The following TRMU variants were observed in gnomAD, a reference collection of about 807,000 sequenced individuals.
TRMU encodes mitochondrial tRNA-specific 2-thiouridylase 1.
A neutral mutation model predicts 46.9 loss-of-function variants in TRMU; 49 were observed. That is an observed-to-expected ratio of 1.05 (90% CI 0.83 to 1.33). The LOEUF (loss-of-function observed/expected upper bound fraction) is 1.33. Among genes scored for constraint, TRMU ranks in the 40% most tolerant of loss-of-function variants. TRMU has a pLI of 0.00. For synonymous variants in TRMU, 241 were observed against 200.9 expected, an observed-to-expected ratio of 1.20 and a Z score of -1.69; for missense variants, 572 against 532.4, an observed-to-expected ratio of 1.07 and a Z score of -0.73.
chr22:46,353,306 G>A (rs966990176), intron 7 of TRMU: 4 of 216,454 alleles, frequency 1.8e-5, no homozygotes, highest in African/African-American at 4.6e-5. Context: ...GCAGGGGAGG[G>A]AGGCAGTGAG....
Position 46,357,280 on chromosome 22 carries a change from C to A in TRMU, c.*274C>A. 1.8e-6 allele frequency: 1 copy of A among 559,314 alleles called. No individual in the cohort carries two copies. Among genetic ancestry groups the A allele is most frequent in the Non-Finnish European group, 3.2e-6 (1 of 312,076 alleles). 34.6% of individuals were successfully genotyped at this position (559,314 alleles called of 1,614,324 possible). A position where few individuals can be genotyped will look rare whatever the true frequency, so the allele number is the denominator to read the frequency against. The stretch of plus-strand genomic sequence containing the variant: ...GGAGGGTTTCCCACCTCAGAGTACA[C>A]CGAGGGGACCTGCAGAGGGGGCTGT... On this transcript the variant is annotated 3_prime_UTR_variant, in exon 11 of 11. Coordinates refer to ENST00000645190, the MANE Select transcript of TRMU (RefSeq NM_018006.5).
At chr22:46,354,203 TG>T (rs1478602105) in intron 8 of TRMU, 13 of 345,612 alleles carry the variant, frequency 3.8e-5, no homozygotes, top group African/African-American at 2.8e-4. Context: ...GTGCCAAGGA[TG>T]GTGCCCACCA....
rs553844561 is a variant in TRMU, at chr22:46,335,948, G to C, written c.82+102G>C. The stretch of plus-strand genomic sequence containing the variant: ...TGCACGTCTCCTCCCTCCCTGGGCC[G>C]CTGGTTGCGCGCGGGTCGGCAGGAG... On this transcript the variant is annotated intron_variant, in intron 1 of 10. Transcript: ENST00000645190. 1.4e-5 allele frequency: 21 copies of C among 1,488,830 alleles called. No homozygotes were observed. In the East Asian group the frequency reaches 5.1e-4, roughly 36 times the overall value. The allele number at this position is 1,488,830 out of a possible 1,614,324, so 92.2% of individuals were successfully genotyped here.
At chr22:46,356,302 C>G (rs1255134432) in intron 10 of TRMU, 1 of 568,012 alleles carries the variant, frequency 1.8e-6, no homozygotes, top group African/African-American at 1.9e-5. Flanking sequence ...TGCTCGGGCC[C>G]TGAGAGGCTC....
At chr22:46,345,185 C>G (rs908791991) in intron 3 of TRMU, among the ~76,000 whole-genome samples, 2 of 152,158 alleles carry the variant, frequency 1.3e-5, no homozygotes, top group African/African-American at 4.8e-5. Context: ...ATTCTCCTGC[C>G]TCAGCCTCCC....
rs1237766418 is a variant in TRMU, at chr22:46,357,064, T to C, written c.*58T>C. 1 of 1,606,740 alleles carries C rather than the reference T, an allele frequency of 6.2e-7. No individual in the cohort carries two copies. The highest frequency in any genetic ancestry group is 8.5e-7 in the Non-Finnish European group (1 of 1,176,510). On this transcript the variant is annotated 3_prime_UTR_variant, in exon 11 of 11. Coordinates refer to ENST00000645190, the MANE Select transcript of TRMU (RefSeq NM_018006.5). ...GCAGGACCCATGGCTGGGCGGCTGG[T>C]GAGCAGTCCAGGTGCCCAAGGGCCA...
At chr22:46,346,762 G>C (rs1045741960) in intron 4 of TRMU, among the ~76,000 whole-genome samples, 1 of 152,242 alleles carries the variant, frequency 6.6e-6, no homozygotes, top group Non-Finnish European at 1.5e-5. Context: ...GCCGGCCATG[G>C]TGAGGGCTGG....
rs1413300072 is a variant in TRMU at position 46,350,641 on chromosome 22, T to A, written c.651+178T>A. 2.0e-5 allele frequency among the ~76,000 whole-genome samples: 3 copies of A among 152,240 alleles called. No individual in the cohort carries two copies. Among genetic ancestry groups the A allele is most frequent in the Non-Finnish European group, 4.4e-5 (3 of 68,042 alleles). ...TGAGGCGCACGGTACAGGGCTCTGC[T>A]GACATCGGGAGCAGCCTATACGAGA... is the stretch of plus-strand genomic sequence containing the variant. On this transcript the variant is annotated intron_variant, in intron 5 of 10. Transcript: ENST00000645190. This position sits in a 1 kb window ranked among gnomAD's most constrained non-coding sequence, Gnocchi z 4.6.
In TRMU at chr22:46,339,959, G is replaced by A. The variant is rs1341671015; in HGVS notation, c.248+2015G>A. ...ATAAGAAAAAAAAAAGAGTGTGGCGGCCAAATACAGGATAAATCTGGGGGA... is the reference window on the plus strand; with the variant it reads ...ATAAGAAAAAAAAAAGAGTGTGGCGACCAAATACAGGATAAATCTGGGGGA... On this transcript the variant is annotated intron_variant, in intron 2 of 10. Transcript: ENST00000645190. The surrounding 1 kb of genome is among the most constrained non-coding windows in gnomAD (Gnocchi z 4.8). Among the ~76,000 whole-genome samples the A allele has an allele frequency of 6.6e-6, 1 of 152,028 alleles. No homozygotes were observed. Among genetic ancestry groups the A allele is most frequent in the Non-Finnish European group, 1.5e-5 (1 of 67,996 alleles).
rs569963352 is a variant in TRMU at position 46,344,336 on chromosome 22, C to T, written c.355+968C>T. Among the ~76,000 whole-genome samples, 22 of 152,272 alleles carry T rather than the reference C, an allele frequency of 1.4e-4. 2 individuals carry two copies. Among genetic ancestry groups the T allele is most frequent in the Admixed American group, 3.9e-4 (6 of 15,292 alleles). On this transcript the variant is annotated intron_variant, in intron 3 of 10. Transcript: ENST00000645190. ...AAGGGGTGATGCGTCCCCTGTGGTC[C>T]GTCCTGGTTAGACCGTATTAGTTAT... is the stretch of plus-strand genomic sequence containing the variant.
chr22:46,351,611 A>C lies in TRMU; in HGVS notation c.652-510A>C. On this transcript the variant is annotated intron_variant, in intron 5 of 10. Transcript: ENST00000645190. The surrounding 1 kb of genome is among the most constrained non-coding windows in gnomAD (Gnocchi z 6.4). ...AGGGATGGAAGGGCAGTCTTGAGAG[A>C]CACAAACCAGAGTAAACGATGCAGC... 4.4e-6 allele frequency: 1 copy of C among 226,644 alleles called. No individual in the cohort carries two copies. The highest frequency in any genetic ancestry group is 2.3e-5 in the African/African-American group (1 of 44,364). The allele number at this position is 226,644 out of a possible 1,614,324, so 14.0% of individuals were successfully genotyped here.
Position 46,356,586 on chromosome 22 carries a change from A to AGTCCCAGGAGAGGCCCCTGTGACT in TRMU, c.1102-249_1102-226dup, listed in dbSNP as rs1354621830. The AGTCCCAGGAGAGGCCCCTGTGACT allele has an allele frequency of 5.5e-6, 3 of 550,294 alleles. No individual in the cohort carries two copies. In the Admixed American group the frequency reaches 9.3e-5, roughly 17 times the overall value. 34.1% of individuals were successfully genotyped at this position (550,294 alleles called of 1,614,324 possible). ...GTGCAGAGACCTGCCAGTCCCTTGG[A>AGTCCCAGGAGAGGCCCCTGTGACT]GTCCCAGGAGAGGCCCCTGTGACTG... On this transcript the variant is annotated intron_variant, in intron 10 of 10. Coordinates refer to ENST00000645190, the MANE Select transcript of TRMU (RefSeq NM_018006.5).
In TRMU at chr22:46,351,949, G is replaced by T; in HGVS notation, c.652-172G>T. 1 of 774,714 alleles carries T rather than the reference G, an allele frequency of 1.3e-6. No homozygotes were observed. Among genetic ancestry groups the T allele is most frequent in the Non-Finnish European group, 2.3e-6 (1 of 432,350 alleles). 48.0% of individuals were successfully genotyped at this position (774,714 alleles called of 1,614,324 possible). ...GCGTTCTCTAAGGCTCTGGCATCGT[G>T]TGCGCCGGCTGTGACTGGCGGCCGA... On this transcript the variant is annotated intron_variant, in intron 5 of 10. Transcript: ENST00000645190. This position sits in a 1 kb window ranked among gnomAD's most constrained non-coding sequence, Gnocchi z 6.4.
Position 46,355,993 on chromosome 22 carries a change from C to G in TRMU, c.1022C>G (p.Pro341Arg), listed in dbSNP as rs752533233. Residue 341 changes from proline (P) to arginine (R), a missense_variant, in exon 10 of 11, where the codon CCC (proline) becomes CGC (arginine). Physicochemically the swap from Pro to Arg is moderately radical, Grantham distance 103 (BLOSUM62 -2). Coordinates refer to ENST00000645190, the MANE Select transcript of TRMU (RefSeq NM_018006.5). ...FRFRHQMALV[P>R]CVLTLNQDGT... ...AGGGCCCCTCTCTTCTACCCAGTGC[C>G]CTGTGTGCTGACCCTCAATCAAGAT... is the stretch of plus-strand genomic sequence containing the variant. 3.7e-6 allele frequency: 6 copies of G among 1,613,954 alleles called. No individual in the cohort carries two copies. Among genetic ancestry groups the G allele is most frequent in the Middle Eastern group, 3.3e-4 (2 of 6,062 alleles).
chr22:46,349,987 T>G lies in TRMU; in HGVS notation c.479-304T>G, dbSNP rs1162359235. ...GCTGAATTTATTTTAGGTGTTTTTT[T>G]TTTTTTTTCTTATCACTTGAGAACA... On this transcript the variant is annotated intron_variant, in intron 4 of 10. Transcript: ENST00000645190. This position sits in a 1 kb window ranked among gnomAD's most constrained non-coding sequence, Gnocchi z 4.6. Among the ~76,000 whole-genome samples, 1 of 152,160 alleles carries G rather than the reference T, an allele frequency of 6.6e-6. No homozygotes were observed. Among genetic ancestry groups the G allele is most frequent in the African/African-American group, 2.4e-5 (1 of 41,462 alleles).
chr22:46,338,404 G>C lies in TRMU; in HGVS notation c.248+460G>C, dbSNP rs918495196. On this transcript the variant is annotated intron_variant, in intron 2 of 10. Transcript: ENST00000645190. This position sits in a 1 kb window ranked among gnomAD's most constrained non-coding sequence, Gnocchi z 4.5. ...TCCAATATAATCTCAATAATTAAGT[G>C]CTGTGTGCTAGGCGTGTGCCACATC... is the stretch of plus-strand genomic sequence containing the variant. 3.9e-5 allele frequency among the ~76,000 whole-genome samples: 6 copies of C among 152,254 alleles called. No homozygotes were observed. Among genetic ancestry groups the C allele is most frequent in the African/African-American group, 1.4e-4 (6 of 41,464 alleles).
intron 8 of TRMU, chr22:46,354,657 A>G (rs2078541866): frequency 6.6e-6 from 1 of 152,654 alleles, no homozygotes; most frequent in Admixed American, 6.5e-5. Context: ...CCTTACTAGG[A>G]AGACCTGTGG....
At position 46,339,948 on chromosome 22, in the gene TRMU, A is replaced by AG. The variant is rs113303726; in HGVS notation, c.248+2005dup. ...TTCTCGGGGACATAAGAAAAAAAAAAGAGTGTGGCGGCCAAATACAGGATA... is the reference window on the plus strand; with the variant it reads ...TTCTCGGGGACATAAGAAAAAAAAAAGGAGTGTGGCGGCCAAATACAGGATA... On this transcript the variant is annotated intron_variant, in intron 2 of 10. Transcript: ENST00000645190. This position sits in a 1 kb window ranked among gnomAD's most constrained non-coding sequence, Gnocchi z 4.8. Among the ~76,000 whole-genome samples, 2 of 151,534 alleles carry AG rather than the reference A, an allele frequency of 1.3e-5. No homozygotes were observed. The highest frequency in any genetic ancestry group is 4.9e-5 in the African/African-American group (2 of 40,882).
At chr22:46,346,374 G>T (rs2078257930) in intron 3 of TRMU, 48 bp from the exon 4 acceptor site, 1 of 1,598,514 alleles carries the variant, frequency 6.3e-7, no homozygotes. Context: ...ATCAAGGCCT[G>T]CAAGTATGAG....
Sources: gnomAD v4.1 joint callset for allele counts (sites outside exome capture counted in the v4.1 genomes callset) on GRCh38, gnomAD v4.1.1 for gene constraint, Gnocchi (gnomAD v3.1) non-coding constraint, MANE v1.5 for transcripts, NCBI Gene and HGNC (gene_info 2026-07-23, HGNC 2026-07-21) for gene names.